GRM1: variants seen among roughly 807,000 people sequenced by gnomAD.
GRM1 encodes the protein glutamate metabotropic receptor 1, also known as metabotropic glutamate receptor 1.
GRM1 carries 33 observed loss-of-function variants against 90.9 expected under a neutral mutation model. The observed-to-expected ratio is 0.36, with a 90% CI of 0.28 to 0.49. GRM1 has a LOEUF of 0.49. GRM1 is among the 20% of genes least tolerant of loss of function. The pLI is 0.99. For missense variants in GRM1, 1,190 were observed against 1,534.3 expected, an observed-to-expected ratio of 0.78 and a Z score of 3.75; for synonymous variants, 700 against 613.2, an observed-to-expected ratio of 1.14 and a Z score of -2.09.
chr6:146,430,228 A>G (rs1477695893), intron 7 of GRM1, among the ~76,000 whole-genome samples: 1 of 152,222 alleles, frequency 6.6e-6, no homozygotes, highest in Non-Finnish European at 1.5e-5. Flanking sequence ...GCGATAGCTA[A>G]CTAATGAAAG....
intron 3 of GRM1, among the ~76,000 whole-genome samples, chr6:146,310,187 T>G (rs189416203): frequency 6.6e-6 from 1 of 152,246 alleles, no homozygotes; most frequent in Admixed American, 6.5e-5. Flanking sequence ...GCAAGGGGAC[T>G]CTTACTCCAA....
At chr6:146,406,859 C>A (rs910689650) in intron 7 of GRM1, among the ~76,000 whole-genome samples, 4 of 151,844 alleles carry the variant, frequency 2.6e-5, no homozygotes, top group African/African-American at 9.7e-5. Flanking sequence ...ACAACAACAA[C>A]AAAAAGAATA....
intron 1 of GRM1, among the ~76,000 whole-genome samples, chr6:146,143,637 G>A (rs573294918): frequency 6.6e-6 from 1 of 152,294 alleles, no homozygotes; most frequent in African/African-American, 2.4e-5. Flanking sequence ...TACATTTTAA[G>A]TGGCTGCACA....
chr6:146,084,172 T>G (rs560110997), intron 1 of GRM1, among the ~76,000 whole-genome samples: 1 of 152,248 alleles, frequency 6.6e-6, no homozygotes, highest in South Asian at 2.1e-4. Flanking sequence ...TGTCAATTTT[T>G]TTTCAAAAAA....
chr6:146,080,591 C>A (rs1158345594), intron 1 of GRM1, among the ~76,000 whole-genome samples: 1 of 152,082 alleles, frequency 6.6e-6, no homozygotes, highest in Non-Finnish European at 1.5e-5. Flanking sequence ...TACCCTAGTT[C>A]CCTGGTCAGA....
chr6:146,093,317 A>G (rs1425412697), intron 1 of GRM1, among the ~76,000 whole-genome samples: 1 of 152,082 alleles, frequency 6.6e-6, no homozygotes, highest in East Asian at 1.9e-4. Flanking sequence ...ATCTCCTCTG[A>G]CTGCCAGACT....
intron 2 of GRM1, among the ~76,000 whole-genome samples, chr6:146,194,515 T>C (rs1779050775): frequency 6.6e-6 from 1 of 152,224 alleles, no homozygotes; most frequent in South Asian, 2.1e-4. Flanking sequence ...TCTTTCAAAA[T>C]AAGAGTTTCT....
Position 146,436,819 on chromosome 6 carries a change from T to G in GRM1, c.*2023T>G, listed in dbSNP as rs1778608353. The G allele has an allele frequency of 6.5e-6, 1 of 152,674 alleles. No individual in the cohort carries two copies. Among genetic ancestry groups the G allele is most frequent in the African/African-American group, 2.4e-5 (1 of 41,476 alleles). 9.5% of individuals were successfully genotyped at this position (152,674 alleles called of 1,614,324 possible). On this transcript the variant is annotated 3_prime_UTR_variant, in exon 8 of 8. Transcript: ENST00000282753. ...TATGCTTCCTTCATATTGAAGCTGC[T>G]GATTTCTCAGCCAAAAATCATCTTA...
intron 2 of GRM1, among the ~76,000 whole-genome samples, chr6:146,229,747 A>T (rs1780379565): frequency 6.6e-6 from 1 of 152,208 alleles, no homozygotes; most frequent in African/African-American, 2.4e-5. Flanking sequence ...ACACCCAAAC[A>T]AAATAGTGTA....
chr6:146,374,009 T>C (rs1479292865), intron 5 of GRM1, among the ~76,000 whole-genome samples: 2 of 152,164 alleles, frequency 1.3e-5, no homozygotes, highest in East Asian at 3.9e-4. Flanking sequence ...CTGTAATACA[T>C]GGCTTTTATG....
intron 1 of GRM1, among the ~76,000 whole-genome samples, chr6:146,086,346 A>G (rs1776544968): frequency 6.6e-6 from 1 of 152,134 alleles, no homozygotes; most frequent in Admixed American, 6.6e-5. Context: ...ACCTGTCCTC[A>G]TGTTTACAAT....
intron 3 of GRM1, among the ~76,000 whole-genome samples, chr6:146,306,887 GA>G (rs1363675491): frequency 2.0e-5 from 3 of 151,988 alleles, no homozygotes; most frequent in Non-Finnish European, 2.9e-5. Context: ...AAGACTTCAG[GA>G]AAAAAAGATT....
chr6:146,048,086 A>G (rs1791398564), intron 1 of GRM1, among the ~76,000 whole-genome samples: 1 of 152,148 alleles, frequency 6.6e-6, no homozygotes, highest in East Asian at 1.9e-4. Context: ...CATAATTCAC[A>G]TATTCACAAG....
At chr6:146,304,933 C>T (rs1562595455) in intron 3 of GRM1, 87 bp downstream of exon 3, 1 of 958,254 alleles carries the variant, frequency 1.0e-6, no homozygotes. Flanking sequence ...ATAGAAGGTG[C>T]CAGGGCTAGA....
At chr6:146,075,895 A>G (rs1051707454) in intron 1 of GRM1, among the ~76,000 whole-genome samples, 1 of 152,182 alleles carries the variant, frequency 6.6e-6, no homozygotes, top group African/African-American at 2.4e-5. Context: ...CAGCAGTCAT[A>G]TTGGTCTACT....
intron 1 of GRM1, among the ~76,000 whole-genome samples, chr6:146,078,675 T>C (rs1443844711): frequency 6.6e-6 from 1 of 152,222 alleles, no homozygotes; most frequent in Non-Finnish European, 1.5e-5. Flanking sequence ...TAGAATGTTA[T>C]ACAGTATTTA....
chr6:146,283,924 A>G (rs576675447), intron 2 of GRM1, among the ~76,000 whole-genome samples: 13 of 152,360 alleles, frequency 8.5e-5, no homozygotes, highest in African/African-American at 3.1e-4. Context: ...TGGCTTCTCA[A>G]TACTATTTCC....
intron 1 of GRM1, among the ~76,000 whole-genome samples, chr6:146,089,503 A>G (rs1446829485): frequency 6.6e-6 from 1 of 152,116 alleles, no homozygotes; most frequent in Non-Finnish European, 1.5e-5. Context: ...CATTTGTGAT[A>G]ATTTGTTACC....
intron 2 of GRM1, among the ~76,000 whole-genome samples, chr6:146,160,933 A>G (rs1303804772): frequency 6.6e-6 from 1 of 152,228 alleles, no homozygotes; most frequent in African/African-American, 2.4e-5. Flanking sequence ...GGCGTCTTCA[A>G]CATGGTGCAG....
Sources: gnomAD v4.1 joint callset for allele counts (sites outside exome capture counted in the v4.1 genomes callset) on GRCh38, gnomAD v4.1.1 for gene constraint, MANE v1.5 for transcripts, NCBI Gene and HGNC (gene_info 2026-07-23, HGNC 2026-07-21) for gene names.